Variants in ARHGAP42 observed in about 807,000 individuals in gnomAD.
The protein encoded by ARHGAP42 is Rho GTPase activating protein 42.
Under a neutral mutation model 125.0 loss-of-function variants are expected in ARHGAP42, and 63 were observed. The observed-to-expected ratio is 0.50, with a 90% CI of 0.41 to 0.62. The LOEUF is 0.62. ARHGAP42 is among the 20% of genes least tolerant of loss of function. ARHGAP42 has a pLI of 0.00. For synonymous variants in ARHGAP42, 339 were observed against 351.0 expected, an observed-to-expected ratio of 0.97 and a Z score of 0.38; for missense variants, 766 against 1,024.2, an observed-to-expected ratio of 0.75 and a Z score of 3.44.
intron 21 of ARHGAP42, 104 bp downstream of exon 21, chr11:100,977,075 A>T: frequency 3.0e-6 from 4 of 1,316,264 alleles, no homozygotes; most frequent in Non-Finnish European, 4.2e-6. Context: ...TACATTGGGA[A>T]TACTTTATCT....
intron 3 of ARHGAP42, among the ~76,000 whole-genome samples, chr11:100,808,924 A>T (rs931814059): frequency 2.5e-4 from 38 of 152,284 alleles, no homozygotes; most frequent in African/African-American, 8.4e-4. Flanking sequence ...TCTTATCAAG[A>T]TGCTATGTTA....
intron 4 of ARHGAP42, among the ~76,000 whole-genome samples, chr11:100,905,011 A>G (rs889116027): frequency 1.3e-5 from 2 of 152,256 alleles, no homozygotes. Flanking sequence ...ATGAATTAAT[A>G]AAAATCTACT....
intron 4 of ARHGAP42, among the ~76,000 whole-genome samples, chr11:100,897,602 A>G (rs1363865474): frequency 1.3e-5 from 2 of 152,102 alleles, no homozygotes; most frequent in African/African-American, 4.8e-5. Flanking sequence ...CTTTGAAGCA[A>G]TTGTGAATGG....
In ARHGAP42 at chr11:100,974,474, C is replaced by G; in HGVS notation, c.1726C>G (p.Pro576Ala). The G allele has an allele frequency of 1.3e-6, 2 of 1,549,440 alleles. No homozygotes were observed. Among genetic ancestry groups the G allele is most frequent in the Non-Finnish European group, 1.7e-6 (2 of 1,146,464 alleles). The stretch of plus-strand genomic sequence containing the variant: ...TTATACGTAGATTTTTCATACTGCT[C>G]CAGACCCAAGCATTCCTCTTCCTCA... Reference protein sequence around the residue: ...EHYEKIFHTAPDPSIPLPQPQ... With the variant: ...EHYEKIFHTAADPSIPLPQPQ... Residue 576 changes from proline (P) to alanine (A), a missense_variant, in exon 19 of 24, where the codon CCA becomes GCA. By Grantham distance (27) the Pro-to-Ala change is conservative. Coordinates refer to ENST00000298815, the MANE Select transcript of ARHGAP42 (RefSeq NM_152432.4).
At chr11:100,835,429 A>G (rs1474702685) in intron 3 of ARHGAP42, among the ~76,000 whole-genome samples, 2 of 152,086 alleles carry the variant, frequency 1.3e-5, no homozygotes, top group Non-Finnish European at 2.9e-5. Flanking sequence ...TTTATATATG[A>G]GTTTTGTCGT....
At chr11:100,863,346 TC>T in intron 4 of ARHGAP42, among the ~76,000 whole-genome samples, 1 of 152,202 alleles carries the variant, frequency 6.6e-6, no homozygotes, top group Non-Finnish European at 1.5e-5. Context: ...AAAGGTAGAA[TC>T]TTCCACTGCA....
At chr11:100,862,396 G>C (rs183668173) in intron 4 of ARHGAP42, among the ~76,000 whole-genome samples, 2 of 151,710 alleles carry the variant, frequency 1.3e-5, no homozygotes, top group Admixed American at 1.3e-4. Context: ...CCCAAAAAGA[G>C]TAAGTTTCAT....
At chr11:100,787,109 C>G (rs1197365220) in intron 2 of ARHGAP42, among the ~76,000 whole-genome samples, 1 of 127,020 alleles carries the variant, frequency 7.9e-6, no homozygotes, top group Non-Finnish European at 1.8e-5. Flanking sequence ...AACCCTGTCT[C>G]TACTAAAAAT....
intron 3 of ARHGAP42, among the ~76,000 whole-genome samples, chr11:100,829,215 A>G (rs1454931867): frequency 1.3e-5 from 2 of 151,930 alleles, no homozygotes; most frequent in Non-Finnish European, 2.9e-5. Flanking sequence ...CTTGGGGAAA[A>G]AAAGCATGGT....
intron 22 of ARHGAP42, among the ~76,000 whole-genome samples, chr11:100,985,541 T>A (rs544618082): frequency 6.6e-6 from 1 of 152,316 alleles, no homozygotes; most frequent in Non-Finnish European, 1.5e-5. Flanking sequence ...ACTTCCAACC[T>A]CTATGCAACC....
rs139589352 is a variant in ARHGAP42, at chr11:100,845,834, A to G, written c.313-13720A>G. 7.2e-5 allele frequency among the ~76,000 whole-genome samples: 11 copies of G among 152,298 alleles called. No individual in the cohort carries two copies. The East Asian group carries it at 2.1e-3, about 29-fold the overall frequency. On this transcript the variant is annotated intron_variant, in intron 3 of 23. Transcript: ENST00000298815. ...TCCCTGGTTAGTAAGCTCAAAGATG[A>G]CAAGAAGCTGTGTTTTTGACCCTTC... is the stretch of plus-strand genomic sequence containing the variant.
At chr11:100,762,344 G>A (rs557747007) in intron 1 of ARHGAP42, among the ~76,000 whole-genome samples, 6 of 152,118 alleles carry the variant, frequency 3.9e-5, no homozygotes, top group Non-Finnish European at 8.8e-5. Flanking sequence ...GCATTTTCAG[G>A]GGAATGAAGA....
At chr11:100,882,569 GT>G (rs1354426565) in intron 4 of ARHGAP42, among the ~76,000 whole-genome samples, 2 of 151,088 alleles carry the variant, frequency 1.3e-5, no homozygotes, top group African/African-American at 4.9e-5. Flanking sequence ...TTCTCTTTTG[GT>G]TTTTTCCTTT....
At position 100,725,995 on chromosome 11, in the gene ARHGAP42, G is replaced by T. The variant is rs1410624392; in HGVS notation, c.154+38163G>T. On this transcript the variant is annotated intron_variant, in intron 1 of 23. Transcript: ENST00000298815. ...TACCTGTAGTCCCAGCTACTTGGAA[G>T]GCTGAGCTGGGAGGAGCACTTCAGC... 2.0e-5 allele frequency among the ~76,000 whole-genome samples: 3 copies of T among 149,558 alleles called. No homozygotes were observed. The East Asian group carries it at 5.9e-4, about 29-fold the overall frequency.
chr11:100,910,896 A>C (rs1463558238), intron 4 of ARHGAP42, among the ~76,000 whole-genome samples: 1 of 152,014 alleles, frequency 6.6e-6, no homozygotes. Context: ...GGTTTGAATA[A>C]GAGTCCAGGA....
intron 23 of ARHGAP42, 148 bp downstream of exon 23, chr11:100,987,740 A>G (rs1369802400): frequency 5.7e-6 from 4 of 707,180 alleles, no homozygotes; most frequent in African/African-American, 3.5e-5. Context: ...GAACACATCA[A>G]ATCCCTCTGG....
intron 3 of ARHGAP42, among the ~76,000 whole-genome samples, chr11:100,813,537 C>T (rs919573179): frequency 1.3e-5 from 2 of 152,152 alleles, no homozygotes; most frequent in Non-Finnish European, 1.5e-5. Context: ...ATTTGGAAAT[C>T]ACCAATGTAT....
Position 100,924,787 on chromosome 11 carries a change from G to A in ARHGAP42, c.597+3183G>A, listed in dbSNP as rs535681168. 1.7e-3 allele frequency among the ~76,000 whole-genome samples: 254 copies of A among 152,062 alleles called. 3 individuals are homozygous for A. The highest frequency in any genetic ancestry group is 5.5e-3 in the African/African-American group (230 of 41,444). On this transcript the variant is annotated intron_variant, in intron 6 of 23. Coordinates refer to ENST00000298815, the MANE Select transcript of ARHGAP42 (RefSeq NM_152432.4). Reference sequence around the variant, plus strand: ...CATGTATTATTTATAAATAAGCTACGTGTTATTGTTTTAAAAGCATACCTG... The same window carrying A: ...CATGTATTATTTATAAATAAGCTACATGTTATTGTTTTAAAAGCATACCTG...
chr11:100,835,602 G>A (rs554856672), intron 3 of ARHGAP42, among the ~76,000 whole-genome samples: 2 of 152,088 alleles, frequency 1.3e-5, no homozygotes, highest in African/African-American at 4.8e-5. Context: ...GGTAGCAGTG[G>A]TTATCACATC....
Sources: gnomAD v4.1 joint callset for allele counts (sites outside exome capture counted in the v4.1 genomes callset) on GRCh38, gnomAD v4.1.1 for gene constraint, MANE v1.5 for transcripts, NCBI Gene and HGNC (gene_info 2026-07-23, HGNC 2026-07-21) for gene names.